The following HDAC9 variants were observed in gnomAD, a reference collection of about 807,000 sequenced individuals.
The protein encoded by HDAC9 is histone deacetylase 9, also known as MEF-2 interacting transcription repressor (MITR) protein.
A neutral mutation model predicts 139.4 loss-of-function variants in HDAC9; 41 were observed. The observed-to-expected ratio is 0.29, with a 90% confidence interval of 0.23 to 0.38. The LOEUF is 0.38. HDAC9 is among the 10% of genes least tolerant of loss of function. HDAC9 has a pLI of 1.00. For missense variants in HDAC9, 1,147 were observed against 1,297.0 expected (o/e 0.88, Z 1.78); for synonymous variants, 517 against 476.2 (o/e 1.09, Z -1.12).
intron 1 of HDAC9, among the ~76,000 whole-genome samples, chr7:18,441,436 G>T (rs969103325): frequency 2.6e-5 from 4 of 152,186 alleles, no homozygotes; most frequent in Admixed American, 6.5e-5. Flanking sequence ...AATATATTTA[G>T]AAGTATTAGG....
At chr7:18,759,911 A>G (rs530314192) in intron 14 of HDAC9, among the ~76,000 whole-genome samples, 35 of 152,336 alleles carry the variant, frequency 2.3e-4, no homozygotes, top group African/African-American at 8.4e-4. Flanking sequence ...GATATACTTA[A>G]TGGTATTTAA....
chr7:18,109,079 G>A (rs570125681), intron 1 of HDAC9, among the ~76,000 whole-genome samples: 18 of 152,298 alleles, frequency 1.2e-4, no homozygotes, highest in Admixed American at 3.3e-4. Flanking sequence ...TAGCCAGTTG[G>A]CAGTGAAGAC....
At chr7:18,271,002 C>G (rs1422378224) in intron 2 of HDAC9, among the ~76,000 whole-genome samples, 1 of 151,958 alleles carries the variant, frequency 6.6e-6, no homozygotes, top group African/African-American at 2.4e-5. Flanking sequence ...TAAACATAGC[C>G]TGGAAAAAAT....
At chr7:18,796,896 T>C (rs1232697203) in intron 17 of HDAC9, among the ~76,000 whole-genome samples, 1 of 152,182 alleles carries the variant, frequency 6.6e-6, no homozygotes, top group African/African-American at 2.4e-5. Context: ...CTTCATAAAA[T>C]AGTCAAAGTT....
intron 1 of HDAC9, among the ~76,000 whole-genome samples, chr7:18,458,533 C>T (rs1280259431): frequency 1.3e-5 from 2 of 152,156 alleles, no homozygotes; most frequent in Admixed American, 6.6e-5. Flanking sequence ...CTTTTAAGTA[C>T]TGGATAACAA....
At chr7:18,880,836 T>C (rs1799680960) in intron 22 of HDAC9, among the ~76,000 whole-genome samples, 1 of 46,134 alleles carries the variant, frequency 2.2e-5, no homozygotes, top group African/African-American at 6.6e-5. Flanking sequence ...GAATAGTTAA[T>C]AGTTGCCGGG....
At chr7:18,523,398 A>G (rs1232107159) in intron 2 of HDAC9, among the ~76,000 whole-genome samples, 2 of 152,350 alleles carry the variant, frequency 1.3e-5, no homozygotes, top group East Asian at 1.9e-4. Flanking sequence ...AGGACCAGAA[A>G]GAGATAAATT....
chr7:18,483,510 A>C (rs566918966), intron 1 of HDAC9, among the ~76,000 whole-genome samples: 4 of 152,196 alleles, frequency 2.6e-5, no homozygotes, highest in Non-Finnish European at 5.9e-5. Flanking sequence ...TGTTGTTATG[A>C]TCATAGGAAA....
intron 16 of HDAC9, among the ~76,000 whole-genome samples, chr7:18,785,966 A>G (rs949184407): frequency 5.3e-5 from 8 of 152,306 alleles, no homozygotes; most frequent in Admixed American, 5.2e-4. Context: ...GCTAGACAAT[A>G]ATATTATTGT....
At chr7:18,733,696 C>G (rs1041277447) in intron 13 of HDAC9, among the ~76,000 whole-genome samples, 9 of 151,658 alleles carry the variant, frequency 5.9e-5, no homozygotes, top group African/African-American at 2.2e-4. Flanking sequence ...TACATACACA[C>G]ACATATATAT....
chr7:18,651,110 A>T (rs558431995), intron 11 of HDAC9, among the ~76,000 whole-genome samples: 6 of 152,262 alleles, frequency 3.9e-5, no homozygotes, highest in South Asian at 2.1e-4. Context: ...CGTGACAAGG[A>T]TGTTTATTTC....
At chr7:18,712,979 C>G (rs992946167) in intron 12 of HDAC9, among the ~76,000 whole-genome samples, 3 of 152,100 alleles carry the variant, frequency 2.0e-5, no homozygotes, top group Admixed American at 1.3e-4. Context: ...CAGACAAGGT[C>G]TTAAACCAAA....
intron 17 of HDAC9, among the ~76,000 whole-genome samples, chr7:18,821,453 A>G (rs1471807608): frequency 6.6e-6 from 1 of 152,226 alleles, no homozygotes; most frequent in East Asian, 1.9e-4. Flanking sequence ...CTAGGAGCAT[A>G]GGCAGAGCCT....
chr7:18,893,367 A>G (rs1002718982), intron 22 of HDAC9, among the ~76,000 whole-genome samples: 8 of 152,140 alleles, frequency 5.3e-5, no homozygotes, highest in African/African-American at 1.9e-4. Context: ...GCAATATTCA[A>G]CCAGAGAAAT....
intron 2 of HDAC9, among the ~76,000 whole-genome samples, chr7:18,521,846 A>G (rs1805160566): frequency 6.6e-6 from 1 of 152,220 alleles, no homozygotes; most frequent in Non-Finnish European, 1.5e-5. Context: ...TTTTTACTAC[A>G]AAGTTAGCTG....
chr7:18,731,122 C>G (rs756911598), intron 13 of HDAC9, among the ~76,000 whole-genome samples: 1 of 152,084 alleles, frequency 6.6e-6, no homozygotes. Flanking sequence ...CAATTTAAAA[C>G]TTAGAATTTG....
chr7:18,932,375 A>G (rs556088494), intron 22 of HDAC9, among the ~76,000 whole-genome samples: 1 of 152,304 alleles, frequency 6.6e-6, no homozygotes, highest in South Asian at 2.1e-4. Flanking sequence ...GACATTACAT[A>G]TTCTTAAACA....
At chr7:18,957,316 C>T (rs754897431) in intron 24 of HDAC9, among the ~76,000 whole-genome samples, 5 of 152,128 alleles carry the variant, frequency 3.3e-5, no homozygotes, top group Non-Finnish European at 7.4e-5. Context: ...CTCTAATGTC[C>T]ACAGAGCAAT....
intron 23 of HDAC9, among the ~76,000 whole-genome samples, chr7:18,936,864 T>C (rs555264489): frequency 6.6e-6 from 1 of 152,204 alleles, no homozygotes; most frequent in South Asian, 2.1e-4. Context: ...CCTTTTCTTC[T>C]GCACATAGAA....
Sources: gnomAD v4.1 joint callset for allele counts (sites outside exome capture counted in the v4.1 genomes callset) on GRCh38, gnomAD v4.1.1 for gene constraint, MANE v1.5 for transcripts, NCBI Gene and HGNC (gene_info 2026-07-23, HGNC 2026-07-21) for gene names.